The following POU6F2 variants were observed in gnomAD, a reference collection of about 807,000 sequenced individuals.
POU6F2 encodes the protein POU class 6 homeobox 2.
POU6F2 carries 31 observed loss-of-function variants against 71.3 expected under a neutral mutation model. That is an observed-to-expected ratio of 0.43 (90% CI 0.33 to 0.59). The LOEUF is 0.59. POU6F2 is among the 20% of genes least tolerant of loss of function. The pLI, the probability that POU6F2 is intolerant of heterozygous loss-of-function variation, is 0.04. For missense variants in POU6F2, 783 were observed against 856.8 expected (o/e 0.91, Z 1.07); for synonymous variants, 347 against 355.7 (o/e 0.98, Z 0.27).
At chr7:39,043,427 T>G (rs764983112) in intron 1 of POU6F2, among the ~76,000 whole-genome samples, 1 of 151,960 alleles carries the variant, frequency 6.6e-6, no homozygotes, top group Admixed American at 6.6e-5. Context: ...GAAACTCCCC[T>G]GTAATACTCA....
At chr7:39,262,332 G>A (rs1041892434) in intron 4 of POU6F2, among the ~76,000 whole-genome samples, 1 of 152,150 alleles carries the variant, frequency 6.6e-6, no homozygotes, top group Non-Finnish European at 1.5e-5. Context: ...GCTCCAGTGA[G>A]CTTGTGCCCA....
chr7:39,252,551 G>A (rs534289704), intron 4 of POU6F2, among the ~76,000 whole-genome samples: 1 of 152,242 alleles, frequency 6.6e-6, no homozygotes, highest in African/African-American at 2.4e-5. Flanking sequence ...AAGCATGTTT[G>A]AGGGTTCACG....
intron 6 of POU6F2, among the ~76,000 whole-genome samples, chr7:39,425,519 A>G (rs1228540917): frequency 6.6e-6 from 1 of 152,288 alleles, no homozygotes; most frequent in African/African-American, 2.4e-5. Flanking sequence ...TAAGGTTTCA[A>G]AATCTTCAGA....
chr7:39,041,404 G>T (rs1790191217), intron 1 of POU6F2, among the ~76,000 whole-genome samples: 1 of 151,910 alleles, frequency 6.6e-6, no homozygotes, highest in African/African-American at 2.4e-5. Context: ...TTTAAAGTTT[G>T]ACTACTATTG....
chr7:39,322,279 T>C (rs1785413646), intron 4 of POU6F2, among the ~76,000 whole-genome samples: 1 of 152,242 alleles, frequency 6.6e-6, no homozygotes, highest in Admixed American at 6.5e-5. Flanking sequence ...TTGCACCTTA[T>C]GCTTTGGCCC....
At chr7:38,985,497 T>G (rs1310759038) in intron 1 of POU6F2, among the ~76,000 whole-genome samples, 1 of 152,102 alleles carries the variant, frequency 6.6e-6, no homozygotes, top group Admixed American at 6.5e-5. Context: ...GAATTCCGAA[T>G]CGGGAAACTT....
chr7:39,239,382 C>T (rs28667878), intron 4 of POU6F2, among the ~76,000 whole-genome samples: 36,390 of 151,970 alleles, frequency 0.24, 5,240 homozygotes, highest in African/African-American at 0.41. Flanking sequence ...TTTAGCAGCA[C>T]GACTGACCTT....
intron 5 of POU6F2, among the ~76,000 whole-genome samples, chr7:39,364,184 C>G (rs761652480): frequency 6.6e-6 from 1 of 151,478 alleles, no homozygotes; most frequent in African/African-American, 2.4e-5. Flanking sequence ...GAACGGAACA[C>G]AGACATAGTT....
chr7:39,055,626 C>T (rs1790490902), intron 1 of POU6F2, among the ~76,000 whole-genome samples: 1 of 151,730 alleles, frequency 6.6e-6, no homozygotes, highest in Admixed American at 6.6e-5. Flanking sequence ...TCTTTTCATT[C>T]TTTTTTTGTC....
chr7:39,221,789 T>C (rs1008632257), intron 4 of POU6F2, among the ~76,000 whole-genome samples: 2 of 152,150 alleles, frequency 1.3e-5, no homozygotes, highest in African/African-American at 4.8e-5. Flanking sequence ...AAAAACAATA[T>C]AAAGCAAGAA....
intron 4 of POU6F2, among the ~76,000 whole-genome samples, chr7:39,236,129 A>T (rs1794671226): frequency 6.6e-6 from 1 of 152,184 alleles, no homozygotes; most frequent in African/African-American, 2.4e-5. Flanking sequence ...ACTTCCTTTG[A>T]GGACTCAAAG....
chr7:39,108,014 G>A (rs1414906713), intron 2 of POU6F2, among the ~76,000 whole-genome samples: 1 of 152,206 alleles, frequency 6.6e-6, no homozygotes, highest in Non-Finnish European at 1.5e-5. Context: ...AGGGTAGAGT[G>A]TAAATCTGTA....
intron 4 of POU6F2, among the ~76,000 whole-genome samples, chr7:39,256,140 T>G (rs1165443041): frequency 5.4e-4 from 70 of 129,712 alleles, no homozygotes; most frequent in African/African-American, 1.7e-3. Context: ...TACACTGCTT[T>G]TTTTTTTTTT....
chr7:39,270,157 G>A (rs1051747743), intron 4 of POU6F2, among the ~76,000 whole-genome samples: 3 of 152,134 alleles, frequency 2.0e-5, no homozygotes, highest in Admixed American at 6.5e-5. Flanking sequence ...AAATTCCAGC[G>A]GGGGAGACCA....
chr7:39,315,827 G>GT (rs1370874732), intron 4 of POU6F2, among the ~76,000 whole-genome samples: 5 of 152,166 alleles, frequency 3.3e-5, no homozygotes, highest in African/African-American at 1.2e-4. Context: ...CTTTACTTTG[G>GT]CTTTATAACA....
chr7:39,304,454 A>G (rs1785013963), intron 4 of POU6F2, among the ~76,000 whole-genome samples: 3 of 152,176 alleles, frequency 2.0e-5, no homozygotes, highest in African/African-American at 2.4e-5. Context: ...ACTAATCTCT[A>G]TAACAGAAGT....
chr7:39,074,686 G>A lies in POU6F2; in HGVS notation c.106-11174G>A, dbSNP rs1015804867. Among the ~76,000 whole-genome samples, 18 of 151,986 alleles carry A rather than the reference G, an allele frequency of 1.2e-4. 1 individual carries two copies. The highest frequency in any genetic ancestry group is 3.1e-4 in the African/African-American group (13 of 41,382). On this transcript the variant is annotated intron_variant, in intron 1 of 9. Coordinates refer to ENST00000518318, the MANE Select transcript of POU6F2 (RefSeq NM_001370959.1). ...AGTGGTTTCTTGTTGAATTTTTTTG[G>A]TGGGATGTGGGGTGGGGAGCAGATC...
At chr7:39,033,859 A>T (rs1309280078) in intron 1 of POU6F2, among the ~76,000 whole-genome samples, 3 of 152,190 alleles carry the variant, frequency 2.0e-5, no homozygotes, top group Non-Finnish European at 4.4e-5. Flanking sequence ...GGGTACTGTT[A>T]TTTGTGTAAA....
At chr7:39,132,598 A>G (rs1425728140) in intron 2 of POU6F2, 1 of 152,234 alleles carries the variant, frequency 6.6e-6, no homozygotes, top group Non-Finnish European at 1.5e-5. Flanking sequence ...TGTAGCTCTA[A>G]GTGAAATCAA....
Sources: allele counts gnomAD v4.1 joint callset (sites outside exome capture counted in the v4.1 genomes callset), GRCh38; gene constraint gnomAD v4.1.1; transcripts MANE v1.5; gene names NCBI Gene and HGNC (gene_info 2026-07-23, HGNC 2026-07-21).